Variants in SRSF1 observed in about 807,000 individuals in gnomAD.
The protein encoded by SRSF1 is serine/arginine-rich splicing factor 1.
In SRSF1, 1 loss-of-function variant was observed where a neutral mutation model predicts 25.9. That is an observed-to-expected ratio of 0.04 (90% CI 0.01 to 0.18). The LOEUF (loss-of-function observed/expected upper bound fraction) is 0.18. SRSF1 is among the 10% of genes least tolerant of loss of function. The probability of loss-of-function intolerance (pLI) is 1.00; values close to 1 mark genes in which losing one functional copy is unlikely to be tolerated. For synonymous variants in SRSF1, 132 were observed against 126.2 expected (o/e 1.05, Z -0.31); for missense variants, 65 against 350.5 (o/e 0.19, Z 6.50).
At chr17:57,994,943 C>T in the SRSF1 span, 2 of 152,154 alleles carry the variant, frequency 1.3e-5, no homozygotes, top group African/African-American at 4.8e-5. Context: ...ACTGAAGAAA[C>T]CAAGCCTTGC....
chr17:57,994,137 G>A, the SRSF1 span: 1 of 152,314 alleles, frequency 6.6e-6, no homozygotes, highest in Non-Finnish European at 1.5e-5. Context: ...CATATGAAAA[G>A]ATATTTTCAG....
chr17:58,005,847 G>A lies in SRSF1; in HGVS notation c.506C>T (p.Thr169Ile). The change falls in exon 3 of 4, where the codon ACC becomes ATC. Residue 169 changes from threonine (T) to isoleucine (I), a missense_variant. By Grantham distance (89) the Thr-to-Ile change is moderately conservative. This residue lies in a region of SRSF1 where 63 missense variants were observed against 284.8 expected (regional missense o/e 0.22). Transcript: ENST00000258962. This position sits in a 1 kb window ranked among gnomAD's most constrained non-coding sequence, Gnocchi z 5.2. The part of the protein sequence containing the change: ...VVEFVRKEDM[T>I]YAVRKLDNTK... Reference sequence around the variant, plus strand: ...GTTATCCAGTTTTCGAACTGCATAGGTCATATCTTCTTTCCGTACAAACTC... The same window carrying A: ...GTTATCCAGTTTTCGAACTGCATAGATCATATCTTCTTTCCGTACAAACTC... 2.5e-6 allele frequency: 4 copies of A among 1,614,004 alleles called. No homozygotes were observed. The highest frequency in any genetic ancestry group is 3.4e-6 in the Non-Finnish European group (4 of 1,180,026).
At chr17:57,995,408 G>A in the SRSF1 span, among the ~76,000 whole-genome samples, 2 of 152,224 alleles carry the variant, frequency 1.3e-5, no homozygotes, top group Non-Finnish European at 2.9e-5. Flanking sequence ...TGTGGGGCCA[G>A]CCTCAATAGT....
the SRSF1 span, chr17:57,991,547 A>T: frequency 6.6e-6 from 1 of 152,226 alleles, no homozygotes; most frequent in South Asian, 2.1e-4. Context: ...CAATATTTAG[A>T]AATACCAAAA....
At chr17:57,992,187 G>A in the SRSF1 span, 7 of 152,190 alleles carry the variant, frequency 4.6e-5, no homozygotes, top group Non-Finnish European at 1.0e-4. Context: ...TTTAATGACA[G>A]GGAGAATATC....
chr17:57,994,600 C>T, the SRSF1 span: 1 of 152,170 alleles, frequency 6.6e-6, no homozygotes, highest in Non-Finnish European at 1.5e-5. Context: ...ACACCCAGTA[C>T]TCGATATATC....
Position 58,002,702 on chromosome 17 carries a change from A to C in SRSF1, c.*2704T>G, listed in dbSNP as rs1180909506. ...TGTGCACTCTTCCCTTTCAAAAAAG[A>C]AATGAGACTTGGGTTAAAAGTTCTA... On this transcript the variant is annotated 3_prime_UTR_variant, in exon 4 of 4. Coordinates refer to ENST00000258962, the MANE Select transcript of SRSF1 (RefSeq NM_006924.5). Among the ~76,000 whole-genome samples the C allele has an allele frequency of 6.6e-6, 1 of 152,210 alleles. No individual in the cohort carries two copies. Among genetic ancestry groups the C allele is most frequent in the African/African-American group, 2.4e-5 (1 of 41,444 alleles).
At position 58,007,178 on chromosome 17, in the gene SRSF1, A is replaced by G. The variant is rs1598062239; in HGVS notation, c.-41T>C. ...CGCGGACTCGAGAACAGGCCTTCCCACCAAGCCTAGCGCACGGCAGAGCGA... is the reference window on the plus strand; with the variant it reads ...CGCGGACTCGAGAACAGGCCTTCCCGCCAAGCCTAGCGCACGGCAGAGCGA... On this transcript the variant is annotated 5_prime_UTR_variant, in exon 1 of 4. Transcript: ENST00000258962. 1 of 1,608,548 alleles carries G rather than the reference A, an allele frequency of 6.2e-7. No individual in the cohort carries two copies. The highest frequency in any genetic ancestry group is 1.1e-5 in the South Asian group (1 of 90,870).
chr17:58,005,195 A>T lies in SRSF1; in HGVS notation c.*211T>A. On this transcript the variant is annotated 3_prime_UTR_variant, in exon 4 of 4. Coordinates refer to ENST00000258962, the MANE Select transcript of SRSF1 (RefSeq NM_006924.5). This position sits in a 1 kb window ranked among gnomAD's most constrained non-coding sequence, Gnocchi z 5.2. Reference sequence around the variant, plus strand: ...AAGAGTATGGAGTTAACTAAATTTAAACAATCCTGTCTATGACATCACTTA... The same window carrying T: ...AAGAGTATGGAGTTAACTAAATTTATACAATCCTGTCTATGACATCACTTA... 1.7e-6 allele frequency: 1 copy of T among 600,812 alleles called. No individual in the cohort carries two copies. Among genetic ancestry groups the T allele is most frequent in the South Asian group, 2.2e-5 (1 of 45,352 alleles). The allele number at this position is 600,812 out of a possible 1,614,324, so 37.2% of individuals were successfully genotyped here. A position where few individuals can be genotyped will look rare whatever the true frequency, so the allele number is the denominator to read the frequency against.
chr17:57,989,776 C>T, the SRSF1 span: 1 of 398,598 alleles, frequency 2.5e-6, no homozygotes, highest in Non-Finnish European at 4.4e-6. Flanking sequence ...AAGCAGGTAA[C>T]ACATCAGGGA....
In SRSF1 at chr17:58,005,644, A is replaced by G. The variant is rs2075421653; in HGVS notation, c.553-44T>C. ...TTTCCATTGAAAGATCTAAGCTTTC[A>G]TCTATCTTCAGACATGCTGAATGAA... On this transcript the variant is annotated intron_variant, in intron 3 of 3. Transcript: ENST00000258962. This position sits in a 1 kb window ranked among gnomAD's most constrained non-coding sequence, Gnocchi z 5.2. 6.2e-7 allele frequency: 1 copy of G among 1,611,208 alleles called. No individual in the cohort carries two copies. The highest frequency in any genetic ancestry group is 8.5e-7 in the Non-Finnish European group (1 of 1,177,806).
rs2075415912 is a variant in SRSF1, at chr17:58,004,777, A to G, written c.*629T>C. On this transcript the variant is annotated 3_prime_UTR_variant, in exon 4 of 4. Coordinates refer to ENST00000258962, the MANE Select transcript of SRSF1 (RefSeq NM_006924.5). ...TTGCCACAATTGCCAAGGTTTAAAA[A>G]GCAAAGCAATTGTAGCTAAAGACAA... is the stretch of plus-strand genomic sequence containing the variant. The G allele has an allele frequency of 2.5e-6, 1 of 392,924 alleles. No homozygotes were observed. The highest frequency in any genetic ancestry group is 4.5e-6 in the Non-Finnish European group (1 of 222,808). The allele number at this position is 392,924 out of a possible 1,614,324, so 24.3% of individuals were successfully genotyped here.
At chr17:57,989,257 CAG>C in the SRSF1 span, 1 of 398,460 alleles carries the variant, frequency 2.5e-6, no homozygotes, top group South Asian at 1.3e-4. Context: ...TTTCCTCACA[CAG>C]AGGGAAGCTA....
chr17:57,989,273 G>A, the SRSF1 span: 4 of 398,386 alleles, frequency 1.0e-5, no homozygotes, highest in African/African-American at 6.2e-5. Flanking sequence ...GAAGCTACTG[G>A]GAATATCAGA....
the SRSF1 span, chr17:57,989,045 G>GCCA: frequency 2.8e-6 from 1 of 362,418 alleles, no homozygotes. Context: ...AGATAGTATA[G>GCCA]ACAAATTATT....
rs1029642646 is a variant in SRSF1, at chr17:58,007,219, A to G, written c.-82T>C. The G allele has an allele frequency of 1.4e-5, 22 of 1,532,674 alleles. No individual in the cohort carries two copies. Among genetic ancestry groups the G allele is most frequent in the Non-Finnish European group, 1.7e-5 (19 of 1,125,202 alleles). The allele number at this position is 1,532,674 out of a possible 1,614,324, so 94.9% of individuals were successfully genotyped here. A position where few individuals can be genotyped will look rare whatever the true frequency, so the allele number is the denominator to read the frequency against. On this transcript the variant is annotated 5_prime_UTR_variant, in exon 1 of 4. Transcript: ENST00000258962. ...GGCAGAGCGAGCCCGCAGCGGCACC[A>G]CGTCTCCCGCGGCCCCTCCAAAATG...
At chr17:58,006,913 C>T in intron 1 of SRSF1, 31 bp downstream of exon 1, 1 of 1,611,796 alleles carries the variant, frequency 6.2e-7, no homozygotes, top group Non-Finnish European at 8.5e-7. Context: ...GGACCTATTT[C>T]CTCAAGGCTG....
the SRSF1 span, chr17:57,989,587 G>C: frequency 2.5e-6 from 1 of 397,878 alleles, no homozygotes; most frequent in East Asian, 3.6e-5. Context: ...ATTTGACAGT[G>C]TGTTTCCTTT....
chr17:57,993,833 T>C, the SRSF1 span: 1 of 152,274 alleles, frequency 6.6e-6, no homozygotes, highest in African/African-American at 2.4e-5. Context: ...GCTAGCTTTT[T>C]GTTTTACTGA....
Sources: gnomAD v4.1 joint callset for allele counts (sites outside exome capture counted in the v4.1 genomes callset) on GRCh38, gnomAD v4.1.1 for gene constraint, gnomAD v4.1.1 regional missense constraint, Gnocchi (gnomAD v3.1) non-coding constraint, MANE v1.5 for transcripts, NCBI Gene and HGNC (gene_info 2026-07-23, HGNC 2026-07-21) for gene names.